IQSEC1: variants seen among roughly 807,000 people sequenced by gnomAD.
The protein encoded by IQSEC1 is IQ motif and SEC7 domain-containing protein 1.
A neutral mutation model predicts 91.0 loss-of-function variants in IQSEC1; 31 were observed. The observed-to-expected ratio is 0.34, with a 90% CI of 0.26 to 0.46. IQSEC1 has a LOEUF of 0.46. Ranked by LOEUF, IQSEC1 falls within the 20% of genes least tolerant of loss-of-function variation. The pLI is 1.00. For missense variants in IQSEC1, 1,388 were observed against 1,575.6 expected, an observed-to-expected ratio of 0.88 and a Z score of 2.02; for synonymous variants, 699 against 662.6, an observed-to-expected ratio of 1.05 and a Z score of -0.84.
intron 1 of IQSEC1, among the ~76,000 whole-genome samples, chr3:13,204,863 C>T (rs1314807963): frequency 2.7e-5 from 4 of 149,900 alleles, no homozygotes; most frequent in African/African-American, 9.9e-5. Context: ...TGCAGTGGCG[C>T]GATCTCGGCC....
chr3:13,034,874 T>G (rs1703977864), intron 1 of IQSEC1, among the ~76,000 whole-genome samples: 1 of 152,242 alleles, frequency 6.6e-6, no homozygotes, highest in Non-Finnish European at 1.5e-5. Flanking sequence ...ATGCAGCTCC[T>G]GTCCAGCACA....
chr3:13,087,196 T>C (rs1472751037), intron 2 of IQSEC1, among the ~76,000 whole-genome samples: 2 of 152,240 alleles, frequency 1.3e-5, no homozygotes, highest in African/African-American at 2.4e-5. Flanking sequence ...ACACTAATAA[T>C]AGGTCTTGTG....
chr3:13,112,596 C>T (rs937118315), intron 2 of IQSEC1, among the ~76,000 whole-genome samples: 6 of 152,350 alleles, frequency 3.9e-5, no homozygotes, highest in Admixed American at 6.5e-5. Context: ...GGCCCCCAGG[C>T]ACCTCTGAGC....
intron 1 of IQSEC1, among the ~76,000 whole-genome samples, chr3:12,968,035 A>C (rs1297750778): frequency 2.6e-5 from 4 of 152,134 alleles, no homozygotes; most frequent in Admixed American, 2.6e-4. Context: ...TGGAAGGAGG[A>C]CTTTGCGCAG....
In IQSEC1 at chr3:12,994,705, C is replaced by T. The variant is rs1702154959; in HGVS notation, c.24-52840G>A. Among the ~76,000 whole-genome samples the T allele has an allele frequency of 6.6e-6, 1 of 152,208 alleles. No homozygotes were observed. Among genetic ancestry groups the T allele is most frequent in the African/African-American group, 2.4e-5 (1 of 41,448 alleles). On this transcript the variant is annotated intron_variant, in intron 1 of 13. Transcript: ENST00000613206. This position sits in a 1 kb window ranked among gnomAD's most constrained non-coding sequence, Gnocchi z 4.5. ...CCACTGGCCCAGAGGCGCACAGCTG[C>T]ACCACGCTCCTCCGCGTCCCCTCCA...
At chr3:13,056,490 G>A (rs927980116) in intron 1 of IQSEC1, among the ~76,000 whole-genome samples, 3 of 152,108 alleles carry the variant, frequency 2.0e-5, no homozygotes, top group African/African-American at 7.2e-5. Flanking sequence ...AAGCCGGCCT[G>A]GGAAGCTTAG....
At chr3:13,275,778 GC>G (rs1490349645) in intron 1 of IQSEC1, among the ~76,000 whole-genome samples, 1 of 152,204 alleles carries the variant, frequency 6.6e-6, no homozygotes, top group East Asian at 1.9e-4. Flanking sequence ...CAGTGGGGGA[GC>G]GGCCCTAACC....
intron 1 of IQSEC1, among the ~76,000 whole-genome samples, chr3:13,012,781 A>G (rs1176830028): frequency 2.0e-5 from 3 of 152,072 alleles, no homozygotes; most frequent in Non-Finnish European, 4.4e-5. Context: ...TACCCTCCAG[A>G]CTTTTCAGTT....
intron 1 of IQSEC1, among the ~76,000 whole-genome samples, chr3:12,988,997 C>A (rs908755463): frequency 2.0e-5 from 3 of 152,218 alleles, no homozygotes; most frequent in Non-Finnish European, 2.9e-5. Context: ...AAGTTAGAAG[C>A]CAGCAGGGCC....
intron 2 of IQSEC1, among the ~76,000 whole-genome samples, chr3:13,123,787 C>G (rs1706464305): frequency 6.6e-6 from 1 of 152,196 alleles, no homozygotes; most frequent in Admixed American, 6.5e-5. Context: ...AACCCAGAGC[C>G]CTGCGCTGAC....
In IQSEC1 at chr3:12,900,166, AG is replaced by A; in HGVS notation, c.*816del. ...ATGATAGTATTCTGTTAATAAAATAAGGATTTATACAAAGCAATACTGGACT... is the reference window on the plus strand; with the variant it reads ...ATGATAGTATTCTGTTAATAAAATAAGATTTATACAAAGCAATACTGGACT... On this transcript the variant is annotated 3_prime_UTR_variant, in exon 14 of 14. Coordinates refer to ENST00000613206, the MANE Select transcript of IQSEC1 (RefSeq NM_001134382.3). 1 of 971,438 alleles carries A rather than the reference AG, an allele frequency of 1.0e-6. No homozygotes were observed. Among genetic ancestry groups the A allele is most frequent in the South Asian group, 4.8e-5 (1 of 20,974 alleles). 60.2% of individuals were successfully genotyped at this position (971,438 alleles called of 1,614,324 possible).
chr3:13,154,886 AG>A (rs1365085919), intron 2 of IQSEC1, among the ~76,000 whole-genome samples: 1 of 152,034 alleles, frequency 6.6e-6, no homozygotes, highest in Non-Finnish European at 1.5e-5. Context: ...CAAAAGAGAA[AG>A]ACCAATAGGT....
intron 6 of IQSEC1, among the ~76,000 whole-genome samples, chr3:12,917,415 A>G (rs1390759221): frequency 6.6e-6 from 1 of 152,070 alleles, no homozygotes; most frequent in Non-Finnish European, 1.5e-5. Flanking sequence ...CCCCTTCCCC[A>G]GCTCCTGGCA....
intron 2 of IQSEC1, among the ~76,000 whole-genome samples, chr3:13,119,221 T>C (rs1706385570): frequency 6.6e-6 from 1 of 152,174 alleles, no homozygotes; most frequent in Non-Finnish European, 1.5e-5. Flanking sequence ...TCTTAAATAA[T>C]AAGAATTTAA....
chr3:13,161,065 C>T lies in IQSEC1; in HGVS notation c.302+3039G>A, dbSNP rs189880767. On this transcript the variant is annotated intron_variant, in intron 2 of 15. Transcript: ENST00000648114. ...GGGCTCTGAGAAAGGAAGGGATCTT[C>T]GGGGGGTGGAGTGGAGCATTTTCTA... Among the ~76,000 whole-genome samples the T allele has an allele frequency of 2.5e-3, 385 of 152,240 alleles. 4 individuals carry two copies. Among genetic ancestry groups the T allele is most frequent in the Admixed American group, 0.022 (338 of 15,292 alleles).
intron 1 of IQSEC1, among the ~76,000 whole-genome samples, chr3:13,068,654 C>G (rs1420389037): frequency 1.3e-5 from 2 of 152,196 alleles, no homozygotes; most frequent in Admixed American, 1.3e-4. Flanking sequence ...CCACTCTGCT[C>G]CAGCAACACC....
In IQSEC1 at chr3:12,979,750, C is replaced by T. The variant is rs537899544; in HGVS notation, c.24-37885G>A. Among the ~76,000 whole-genome samples the T allele has an allele frequency of 6.6e-6, 1 of 152,156 alleles. No individual in the cohort carries two copies. Among genetic ancestry groups the T allele is most frequent in the Non-Finnish European group, 1.5e-5 (1 of 68,028 alleles). On this transcript the variant is annotated intron_variant, in intron 1 of 13. Coordinates refer to ENST00000613206, the MANE Select transcript of IQSEC1 (RefSeq NM_001134382.3). This position sits in a 1 kb window ranked among gnomAD's most constrained non-coding sequence, Gnocchi z 4.3. Reference sequence around the variant, plus strand: ...GTCATCAGAAGGGCGGAAAGAGCACCGGAAGGAGAACTCTCTCTCATGTTC... The same window carrying T: ...GTCATCAGAAGGGCGGAAAGAGCACTGGAAGGAGAACTCTCTCTCATGTTC...
intron 1 of IQSEC1, among the ~76,000 whole-genome samples, chr3:13,234,565 T>C (rs1420916546): frequency 6.6e-6 from 1 of 152,150 alleles, no homozygotes; most frequent in African/African-American, 2.4e-5. Context: ...TTACTGCTGC[T>C]GCTGACACTA....
chr3:13,168,854 C>G (rs1456255940), intron 1 of IQSEC1, among the ~76,000 whole-genome samples: 2 of 152,230 alleles, frequency 1.3e-5, no homozygotes, highest in African/African-American at 4.8e-5. Flanking sequence ...CCCCTGGCCC[C>G]CCAGATTCTC....
Sources: gnomAD v4.1 joint callset for allele counts (sites outside exome capture counted in the v4.1 genomes callset) on GRCh38, gnomAD v4.1.1 for gene constraint, Gnocchi (gnomAD v3.1) non-coding constraint, MANE v1.5 for transcripts, NCBI Gene and HGNC (gene_info 2026-07-23, HGNC 2026-07-21) for gene names.